ERBB4: variants seen among roughly 807,000 people sequenced by gnomAD.
ERBB4 encodes the protein erb-b2 receptor tyrosine kinase 4, also known as receptor tyrosine-protein kinase erbB-4.
A neutral mutation model predicts 158.0 loss-of-function variants in ERBB4; 42 were observed. The ratio of observed to expected loss-of-function variants is 0.27; its 90% confidence interval spans 0.21 to 0.34. ERBB4 has a LOEUF of 0.34. Among genes scored for constraint, ERBB4 ranks in the 10% least tolerant of loss-of-function variants. ERBB4 has a pLI of 1.00. For missense variants in ERBB4, 1,333 were observed against 1,624.1 expected (o/e 0.82, Z 3.08); for synonymous variants, 583 against 558.7 (o/e 1.04, Z -0.61).
intron 19 of ERBB4, among the ~76,000 whole-genome samples, chr2:211,584,778 A>G (rs1454805223): frequency 1.3e-5 from 2 of 151,936 alleles, no homozygotes; most frequent in African/African-American, 4.8e-5. Flanking sequence ...AAATATATGT[A>G]TATGTGTATA....
chr2:211,606,603 G>T (rs1232495917), intron 19 of ERBB4, among the ~76,000 whole-genome samples: 2 of 151,996 alleles, frequency 1.3e-5, no homozygotes, highest in African/African-American at 2.4e-5. Flanking sequence ...TGAGATAATT[G>T]TATGTACAAG....
intron 2 of ERBB4, among the ~76,000 whole-genome samples, chr2:212,009,889 A>C (rs2076343705): frequency 6.6e-6 from 1 of 152,192 alleles, no homozygotes; most frequent in Non-Finnish European, 1.5e-5. Context: ...TAGAAATATA[A>C]CATCTCTTGT....
intron 1 of ERBB4, among the ~76,000 whole-genome samples, chr2:212,355,523 T>C (rs758999731): frequency 8.6e-5 from 13 of 152,008 alleles, no homozygotes; most frequent in Non-Finnish European, 1.9e-4. Context: ...CCAGGGGAGA[T>C]AAGAAATCAC....
intron 3 of ERBB4, among the ~76,000 whole-genome samples, chr2:211,827,061 C>A (rs2077116603): frequency 6.6e-6 from 1 of 151,822 alleles, no homozygotes; most frequent in Admixed American, 6.6e-5. Flanking sequence ...TATATATAAT[C>A]CAAAATTTAT....
intron 20 of ERBB4, among the ~76,000 whole-genome samples, chr2:211,477,639 G>A (rs1048640047): frequency 6.6e-6 from 1 of 152,058 alleles, no homozygotes; most frequent in Non-Finnish European, 1.5e-5. Context: ...TATTTTTCTA[G>A]ATCTGTGTTA....
At chr2:211,444,458 G>T (rs1595061) in intron 20 of ERBB4, among the ~76,000 whole-genome samples, 120,493 of 152,028 alleles carry the variant, frequency 0.79, 48,038 homozygotes, top group African/African-American at 0.87. Flanking sequence ...TTATAACATG[G>T]AAATCTATCA....
intron 3 of ERBB4, among the ~76,000 whole-genome samples, chr2:211,926,075 T>C (rs2080014154): frequency 6.6e-6 from 1 of 152,142 alleles, no homozygotes; most frequent in Non-Finnish European, 1.5e-5. Context: ...GGGAGGTGGT[T>C]GCGTCAGTTG....
intron 7 of ERBB4, among the ~76,000 whole-genome samples, chr2:211,715,292 C>T (rs2073855753): frequency 6.6e-6 from 1 of 152,166 alleles, no homozygotes; most frequent in South Asian, 2.1e-4. Context: ...TCAATATCCA[C>T]ATGAAAGCAT....
chr2:212,055,607 GTTTGCTGTTCAGCAATA>G (rs1385083913), intron 2 of ERBB4, among the ~76,000 whole-genome samples: 3 of 152,200 alleles, frequency 2.0e-5, no homozygotes, highest in African/African-American at 4.8e-5. Flanking sequence ...AGGCAGCAAC[GTTTGCTGTTCAGCAATA>G]TTTGCTGTTC....
intron 2 of ERBB4, among the ~76,000 whole-genome samples, chr2:212,040,952 G>A (rs941310343): frequency 2.1e-4 from 32 of 152,008 alleles, no homozygotes; most frequent in African/African-American, 7.0e-4. Flanking sequence ...ATCTGAATAC[G>A]GAAACTTTTC....
chr2:211,959,904 T>C lies in ERBB4; in HGVS notation c.235-12288A>G, dbSNP rs139240929. On this transcript the variant is annotated intron_variant, in intron 2 of 27. Transcript: ENST00000342788. ...GAGCAAAGGAATAACACGTTTAAGATGCAACGATGGAACCATGATTAAGAT... is the reference window on the plus strand; with the variant it reads ...GAGCAAAGGAATAACACGTTTAAGACGCAACGATGGAACCATGATTAAGAT... Among the ~76,000 whole-genome samples the C allele has an allele frequency of 8.3e-4, 126 of 152,130 alleles. 1 individual carries two copies. In the East Asian group the frequency reaches 0.019, roughly 23 times the overall value.
intron 20 of ERBB4, among the ~76,000 whole-genome samples, chr2:211,446,205 T>G (rs961540484): frequency 2.6e-5 from 4 of 151,946 alleles, no homozygotes; most frequent in African/African-American, 9.7e-5. Context: ...CCATGTAGAG[T>G]GGGTAAGAAA....
intron 20 of ERBB4, among the ~76,000 whole-genome samples, chr2:211,459,446 C>T (rs56756775): frequency 2.3e-3 from 354 of 152,236 alleles, no homozygotes; most frequent in African/African-American, 7.2e-3. Context: ...GGAGGTGATA[C>T]GGTTTAGCTG....
At chr2:211,913,177 G>A (rs1377929521) in intron 3 of ERBB4, among the ~76,000 whole-genome samples, 1 of 152,084 alleles carries the variant, frequency 6.6e-6, no homozygotes, top group East Asian at 1.9e-4. Context: ...ACCTTTAGGG[G>A]GCTAAGGGCC....
intron 1 of ERBB4, among the ~76,000 whole-genome samples, chr2:212,496,588 C>G (rs1234394803): frequency 1.3e-5 from 2 of 152,112 alleles, no homozygotes; most frequent in Non-Finnish European, 2.9e-5. Context: ...TAATGGGAGA[C>G]TACTATAAGA....
chr2:211,491,441 C>A (rs1182830997), intron 20 of ERBB4, among the ~76,000 whole-genome samples: 1 of 151,954 alleles, frequency 6.6e-6, no homozygotes, highest in African/African-American at 2.4e-5. Flanking sequence ...CATCACAATT[C>A]ATTTCAATAA....
Position 212,373,890 on chromosome 2 carries a change from CATATATATATATCCATGTATATATCCAT to C in ERBB4, c.82+164531_82+164558del, listed in dbSNP as rs2090196657. 7.1e-5 allele frequency among the ~76,000 whole-genome samples: 7 copies of C among 98,594 alleles called. 1 individual carries two copies. Among genetic ancestry groups the C allele is most frequent in the Non-Finnish European group, 1.3e-4 (6 of 46,126 alleles). The allele number at this position is 98,594 out of a possible 152,430, so 64.7% of individuals were successfully genotyped here. ...ATATATATATATCCATGTATATATC[CATATATATATATCCATGTATATATCCAT>C]ATATATATATCCATATATATCCATA... On this transcript the variant is annotated intron_variant, in intron 1 of 27. Coordinates refer to ENST00000342788, the MANE Select transcript of ERBB4 (RefSeq NM_005235.3).
chr2:212,401,608 GAAGT>G (rs1290651480), intron 1 of ERBB4, among the ~76,000 whole-genome samples: 6 of 152,060 alleles, frequency 3.9e-5, no homozygotes, highest in African/African-American at 7.2e-5. Flanking sequence ...CTTAGCTTAT[GAAGT>G]ATTTATAATA....
At chr2:211,544,082 T>C (rs899396476) in intron 20 of ERBB4, among the ~76,000 whole-genome samples, 3 of 152,020 alleles carry the variant, frequency 2.0e-5, no homozygotes, top group Non-Finnish European at 4.4e-5. Context: ...TGGATTATAC[T>C]TGTATGTTCT....
Sources: allele counts gnomAD v4.1 joint callset (sites outside exome capture counted in the v4.1 genomes callset), GRCh38; gene constraint gnomAD v4.1.1; transcripts MANE v1.5; gene names NCBI Gene and HGNC (gene_info 2026-07-23, HGNC 2026-07-21).